Variants in ASCC3 observed in about 807,000 individuals in gnomAD.
ASCC3 encodes activating signal cointegrator 1 complex subunit 3.
ASCC3 carries 158 observed loss-of-function variants against 256.3 expected under a neutral mutation model. The observed-to-expected ratio is 0.62, with a 90% CI of 0.54 to 0.70. The LOEUF is 0.70. ASCC3 is among the 30% of genes least tolerant of loss of function. The pLI, the probability that ASCC3 is intolerant of heterozygous loss-of-function variation, is 0.00. For missense variants in ASCC3, 2,259 were observed against 2,626.0 expected (o/e 0.86, Z 3.05); for synonymous variants, 948 against 883.4 (o/e 1.07, Z -1.30).
intron 37 of ASCC3, among the ~76,000 whole-genome samples, chr6:100,537,670 T>A (rs1301634745): frequency 1.3e-5 from 2 of 151,948 alleles, no homozygotes; most frequent in Non-Finnish European, 2.9e-5. Context: ...AATTAAAAAT[T>A]CATTGAAAAA....
chr6:100,703,544 A>G (rs1778441067), intron 13 of ASCC3, among the ~76,000 whole-genome samples: 2 of 152,010 alleles, frequency 1.3e-5, no homozygotes, highest in Non-Finnish European at 1.5e-5. Flanking sequence ...CGGTGCTAAG[A>G]AATTATTGCT....
chr6:100,804,056 G>T (rs1036647145), intron 5 of ASCC3, among the ~76,000 whole-genome samples: 6 of 152,080 alleles, frequency 3.9e-5, no homozygotes, highest in African/African-American at 1.2e-4. Context: ...AATAAGTTTT[G>T]TTCCCTAGCC....
Position 100,689,304 on chromosome 6 carries a change from G to A in ASCC3, c.2152-9552C>T, listed in dbSNP as rs147205687. 3.3e-3 allele frequency among the ~76,000 whole-genome samples: 500 copies of A among 152,214 alleles called. 2 individuals are homozygous for A. Among genetic ancestry groups the A allele is most frequent in the Middle Eastern group, 0.017 (5 of 294 alleles). On this transcript the variant is annotated intron_variant, in intron 13 of 41. Transcript: ENST00000369162. The stretch of plus-strand genomic sequence containing the variant: ...AGGTCCATTACTAGGTACAATACAC[G>A]TTATCTTACTGTTAACCACATAGCG...
At chr6:100,539,240 T>C (rs1775319721) in intron 37 of ASCC3, among the ~76,000 whole-genome samples, 1 of 152,184 alleles carries the variant, frequency 6.6e-6, no homozygotes, top group Admixed American at 6.5e-5. Flanking sequence ...AGATTCCATA[T>C]TGCAACTAAT....
At chr6:100,652,994 A>G in intron 17 of ASCC3, 105 bp from the exon 18 acceptor site, 1 of 1,052,276 alleles carries the variant, frequency 9.5e-7, no homozygotes, top group Non-Finnish European at 1.4e-6. Context: ...TGTTTTAGTT[A>G]GACTTTTTAA....
intron 14 of ASCC3, among the ~76,000 whole-genome samples, chr6:100,675,517 C>T (rs1776965365): frequency 6.6e-6 from 1 of 152,000 alleles, no homozygotes; most frequent in Non-Finnish European, 1.5e-5. Flanking sequence ...ATTCCAGTTG[C>T]CATTGATTTA....
chr6:100,564,507 T>C (rs1770128081), intron 36 of ASCC3, among the ~76,000 whole-genome samples: 1 of 152,124 alleles, frequency 6.6e-6, no homozygotes, highest in South Asian at 2.1e-4. Flanking sequence ...TCCAGTTCCA[T>C]CCATTATAAA....
chr6:100,669,294 T>C (rs914719134), intron 14 of ASCC3, among the ~76,000 whole-genome samples: 27 of 149,574 alleles, frequency 1.8e-4, no homozygotes, highest in Non-Finnish European at 3.0e-4. Context: ...AAATATATTT[T>C]ATAAAAGTTT....
intron 36 of ASCC3, among the ~76,000 whole-genome samples, chr6:100,574,772 G>A (rs1395354141): frequency 6.6e-6 from 1 of 151,786 alleles, no homozygotes; most frequent in Non-Finnish European, 1.5e-5. Flanking sequence ...GAACATAACA[G>A]CTTAAAAACC....
chr6:100,800,274 A>G (rs1186483768), intron 6 of ASCC3, 26 bp downstream of exon 6: 2 of 1,609,092 alleles, frequency 1.2e-6, no homozygotes, highest in Non-Finnish European at 1.7e-6. Flanking sequence ...CAACACAAGC[A>G]TTTTTCAGCT....
At chr6:100,662,646 C>A (rs888065577) in intron 14 of ASCC3, 110 bp from the exon 15 acceptor site, 1 of 985,998 alleles carries the variant, frequency 1.0e-6, no homozygotes, top group Non-Finnish European at 1.6e-6. Flanking sequence ...TTTTAAGCAT[C>A]TTAAGGTATT....
At chr6:100,526,384 C>A (rs1562094111) in intron 37 of ASCC3, among the ~76,000 whole-genome samples, 1 of 152,104 alleles carries the variant, frequency 6.6e-6, no homozygotes, top group African/African-American at 2.4e-5. Flanking sequence ...AGGAGAGGAG[C>A]AGGGGGTAGA....
At position 100,568,990 on chromosome 6, in the gene ASCC3, A is replaced by T. The variant is rs138629835; in HGVS notation, c.5550+20644T>A. ...GAGACAGGGTTTCACCACATTAGCCAGGATGGTCTTGATCTCCTGATCTCG... is the reference window on the plus strand; with the variant it reads ...GAGACAGGGTTTCACCACATTAGCCTGGATGGTCTTGATCTCCTGATCTCG... On this transcript the variant is annotated intron_variant, in intron 36 of 41. Transcript: ENST00000369162. Among the ~76,000 whole-genome samples the T allele has an allele frequency of 1.1e-4, 17 of 152,058 alleles. 1 individual carries two copies. The highest frequency in any genetic ancestry group is 4.1e-4 in the African/African-American group (17 of 41,502).
chr6:100,614,250 T>A (rs1374931984), intron 30 of ASCC3, among the ~76,000 whole-genome samples: 1 of 152,130 alleles, frequency 6.6e-6, no homozygotes, highest in East Asian at 1.9e-4. Context: ...TTATAAAATT[T>A]TCGAAAGTAG....
intron 8 of ASCC3, among the ~76,000 whole-genome samples, chr6:100,785,665 G>A (rs1769032102): frequency 6.6e-6 from 1 of 152,110 alleles, no homozygotes; most frequent in Non-Finnish European, 1.5e-5. Flanking sequence ...TCCTGCCTTG[G>A]CCTCCCAAAG....
Position 100,586,828 on chromosome 6 carries a change from A to G in ASCC3, c.5550+2806T>C, listed in dbSNP as rs1431434402. Among the ~76,000 whole-genome samples, 4 of 152,334 alleles carry G rather than the reference A, an allele frequency of 2.6e-5. No individual in the cohort carries two copies. In the East Asian group the frequency reaches 7.7e-4, roughly 29 times the overall value. ...AAACCAAAAGACAAATGTAATGGGT[A>G]GCTTAAGAAATAAGAAAACTTTATT... On this transcript the variant is annotated intron_variant, in intron 36 of 41. Transcript: ENST00000369162.
In ASCC3 at chr6:100,640,738, CA is replaced by C. The variant is rs1398556972; in HGVS notation, c.3901+1842del. Among the ~76,000 whole-genome samples, 3 of 152,038 alleles carry C rather than the reference CA, an allele frequency of 2.0e-5. No individual in the cohort carries two copies. In the East Asian group the frequency reaches 5.8e-4, roughly 29 times the overall value. ...CAATCTCATTATTTTTCTATGTTGA[CA>C]AGCCTTTTAGTTCTGTTCTGCCAAG... On this transcript the variant is annotated intron_variant, in intron 24 of 41. Coordinates refer to ENST00000369162, the MANE Select transcript of ASCC3 (RefSeq NM_006828.4).
intron 1 of ASCC3, among the ~76,000 whole-genome samples, chr6:100,877,752 T>C (rs1209864971): frequency 6.6e-6 from 1 of 152,190 alleles, no homozygotes; most frequent in Non-Finnish European, 1.5e-5. Context: ...ATTTCAGGTA[T>C]TGAATATCTG....
At chr6:100,635,018 A>G (rs1774770059) in intron 25 of ASCC3, among the ~76,000 whole-genome samples, 1 of 151,176 alleles carries the variant, frequency 6.6e-6, no homozygotes, top group Admixed American at 6.6e-5. Context: ...TTAAAAATTA[A>G]GCATAGAACT....
Sources: gnomAD v4.1 joint callset for allele counts (sites outside exome capture counted in the v4.1 genomes callset) on GRCh38, gnomAD v4.1.1 for gene constraint, MANE v1.5 for transcripts, NCBI Gene and HGNC (gene_info 2026-07-23, HGNC 2026-07-21) for gene names.